FSD1L: variants seen among roughly 807,000 people sequenced by gnomAD.
FSD1L encodes the protein FSD1-like protein.
FSD1L carries 45 observed loss-of-function variants against 71.6 expected under a neutral mutation model. The ratio of observed to expected loss-of-function variants is 0.63; its 90% CI spans 0.49 to 0.81. FSD1L has a LOEUF of 0.81. FSD1L is among the 30% of genes least tolerant of loss of function. The probability of loss-of-function intolerance (pLI) is 0.00; values close to 1 mark genes in which losing one functional copy is unlikely to be tolerated. For synonymous variants in FSD1L, 197 were observed against 207.2 expected (o/e 0.95, Z 0.42); for missense variants, 561 against 618.1 (o/e 0.91, Z 0.98).
intron 10 of FSD1L, among the ~76,000 whole-genome samples, chr9:105,515,196 CCTACGCTTGG>C (rs1834635160): frequency 6.6e-6 from 1 of 152,188 alleles, no homozygotes; most frequent in African/African-American, 2.4e-5. Flanking sequence ...TCAACGCCCG[CCTACGCTTGG>C]GCCTGAAAGA....
chr9:105,479,496 A>C, intron 6 of FSD1L, 120 bp downstream of exon 6: 1 of 782,612 alleles, frequency 1.3e-6, no homozygotes, highest in Non-Finnish European at 2.0e-6. Flanking sequence ...GACCAAGTAC[A>C]AAATAAAATG....
intron 12 of FSD1L, among the ~76,000 whole-genome samples, chr9:105,538,017 T>C (rs920037730): frequency 2.6e-5 from 4 of 152,184 alleles, no homozygotes; most frequent in Admixed American, 6.5e-5. Context: ...ATCAAGAGGA[T>C]GACAGTGTCA....
intron 7 of FSD1L, 148 bp downstream of exon 7, chr9:105,484,650 T>G: frequency 2.0e-6 from 1 of 489,780 alleles, no homozygotes; most frequent in Non-Finnish European, 3.3e-6. Flanking sequence ...ATTTGCTAGT[T>G]TTTTTTTATT....
At chr9:105,448,374 C>A in intron 1 of FSD1L, 139 bp downstream of exon 1, 1 of 749,812 alleles carries the variant, frequency 1.3e-6, no homozygotes, top group Non-Finnish European at 1.9e-6. Context: ...GAGGGCAAGG[C>A]CGCCCGGCCG....
intron 6 of FSD1L, among the ~76,000 whole-genome samples, chr9:105,483,141 C>G (rs915539111): frequency 1.3e-5 from 2 of 152,168 alleles, no homozygotes; most frequent in Non-Finnish European, 2.9e-5. Flanking sequence ...AGTAAGCAGT[C>G]AGTGTGAATT....
Position 105,517,970 on chromosome 9 carries a change from A to G in FSD1L, c.1025+5034A>G, listed in dbSNP as rs146973023. ...AAAATAAAGGGATGGAGGAATATTT[A>G]CGAAGCAAATGGAAAGCAGAAAAAA... On this transcript the variant is annotated intron_variant, in intron 10 of 13. Transcript: ENST00000481272. 8.0e-3 allele frequency among the ~76,000 whole-genome samples: 1,213 copies of G among 152,366 alleles called. 11 individuals carry two copies. The highest frequency in any genetic ancestry group is 0.02 in the Middle Eastern group (6 of 294).
rs1213140064 is a variant in FSD1L at position 105,512,944 on chromosome 9, A to T, written c.1025+8A>T. The stretch of plus-strand genomic sequence containing the variant: ...AAAAGAGAACAAGGGCAGGTAAGCT[A>T]GACCATTAAATCTGCCATATGGACA... On this transcript the variant is annotated splice_region_variant and intron_variant, in intron 10 of 13. Transcript: ENST00000481272. The T allele has an allele frequency of 6.6e-7, 1 of 1,512,352 alleles. No individual in the cohort carries two copies. Among genetic ancestry groups the T allele is most frequent in the Non-Finnish European group, 8.8e-7 (1 of 1,133,278 alleles). The allele number at this position is 1,512,352 out of a possible 1,614,324, so 93.7% of individuals were successfully genotyped here.
intron 1 of FSD1L, among the ~76,000 whole-genome samples, chr9:105,461,070 A>G (rs1485207443): frequency 6.6e-6 from 1 of 152,264 alleles, no homozygotes; most frequent in African/African-American, 2.4e-5. Context: ...AGAATCTGGC[A>G]TAACATAAGC....
intron 10 of FSD1L, chr9:105,520,950 C>G: frequency 6.2e-7 from 1 of 1,611,752 alleles, no homozygotes. Context: ...CAAAGAAAAC[C>G]AAGAAAGGGG....
At chr9:105,524,495 G>T (rs1835381551) in intron 10 of FSD1L, 1 of 1,613,630 alleles carries the variant, frequency 6.2e-7, no homozygotes, top group East Asian at 2.2e-5. Context: ...TTCATGCTAC[G>T]GGAGCAGAAA....
At chr9:105,451,402 C>G (rs1829996372) in intron 1 of FSD1L, among the ~76,000 whole-genome samples, 1 of 152,186 alleles carries the variant, frequency 6.6e-6, no homozygotes, top group Non-Finnish European at 1.5e-5. Flanking sequence ...TAGAGGTTAA[C>G]TTAACTAGGC....
At chr9:105,454,588 T>C (rs1360970140) in intron 1 of FSD1L, among the ~76,000 whole-genome samples, 1 of 152,210 alleles carries the variant, frequency 6.6e-6, no homozygotes, top group African/African-American at 2.4e-5. Flanking sequence ...GCCACCTTCT[T>C]TCATTAAATG....
At chr9:105,498,794 T>C (rs935549507) in intron 7 of FSD1L, among the ~76,000 whole-genome samples, 1 of 152,212 alleles carries the variant, frequency 6.6e-6, no homozygotes, top group Non-Finnish European at 1.5e-5. Context: ...AGTGTGGTTT[T>C]TATATTTTTA....
rs1010401203 is a variant in FSD1L at position 105,508,671 on chromosome 9, C to T, written c.851C>T (p.Ala284Val). 1.3e-6 allele frequency: 2 copies of T among 1,551,364 alleles called. No homozygotes were observed. The highest frequency in any genetic ancestry group is 1.7e-6 in the Non-Finnish European group (2 of 1,146,578). The change falls in exon 9 of 14, where the codon GCT becomes GTT. Residue 284 changes from alanine (A) to valine (V), a missense_variant. Physicochemically the swap from Ala to Val is moderately conservative, Grantham distance 64. Coordinates refer to ENST00000481272, the MANE Select transcript of FSD1L (RefSeq NM_001145313.3). ...MNFRVRACNK[A>V]VAGEYSDPVT... ...TTCAGAGTGCGAGCTTGTAACAAGG[C>T]TGTGGCTGGAGAGTATTCTGATCCA...
intron 10 of FSD1L, chr9:105,520,452 A>G: frequency 9.5e-7 from 1 of 1,054,198 alleles, no homozygotes; most frequent in South Asian, 1.3e-5. Flanking sequence ...TGACTATCGA[A>G]GCTAGTCTTA....
chr9:105,505,843 C>G (rs866814657), intron 7 of FSD1L, among the ~76,000 whole-genome samples: 2 of 152,124 alleles, frequency 1.3e-5, no homozygotes, highest in African/African-American at 2.4e-5. Context: ...GGAACATGTT[C>G]TACATTTGTT....
intron 7 of FSD1L, among the ~76,000 whole-genome samples, chr9:105,498,223 A>ATTATTATTG (rs770554725): frequency 0.011 from 1,560 of 147,140 alleles, 17 homozygotes; most frequent in Middle Eastern, 0.022. Context: ...TATTATTATT[A>ATTATTATTG]TTGTTTTTAG....
Position 105,471,516 on chromosome 9 carries a change from A to C in FSD1L, c.340-388A>C, listed in dbSNP as rs141941609. Among the ~76,000 whole-genome samples the C allele has an allele frequency of 5.6e-3, 846 of 152,132 alleles. 10 individuals are homozygous for C. The highest frequency in any genetic ancestry group is 0.02 in the African/African-American group (819 of 41,532). On this transcript the variant is annotated intron_variant, in intron 4 of 13. Coordinates refer to ENST00000481272, the MANE Select transcript of FSD1L (RefSeq NM_001145313.3). ...ATTTAGGTTTAGAAAAATACTTCCT[A>C]CTTGTCCCATATTCTTTATGTATCT... is the stretch of plus-strand genomic sequence containing the variant.
chr9:105,520,598 AC>A (rs1168175863), intron 10 of FSD1L: 41 of 1,506,856 alleles, frequency 2.7e-5, no homozygotes, highest in Non-Finnish European at 3.8e-5. Context: ...TAAAGAAGCT[AC>A]TTCACACAGG....
Sources: allele counts gnomAD v4.1 joint callset (sites outside exome capture counted in the v4.1 genomes callset), GRCh38; gene constraint gnomAD v4.1.1; transcripts MANE v1.5; gene names NCBI Gene and HGNC (gene_info 2026-07-23, HGNC 2026-07-21).